The following TNK2 variants were observed in gnomAD, a reference collection of about 807,000 sequenced individuals.
TNK2 encodes activated CDC42 kinase 1.
Under a neutral mutation model 101.8 loss-of-function variants are expected in TNK2, and 83 were observed. The observed-to-expected ratio is 0.82, with a 90% confidence interval of 0.68 to 0.98. The LOEUF is 0.98. TNK2 is among the 50% of genes least tolerant of loss of function. TNK2 has a pLI of 0.00. For missense variants in TNK2, 1,665 were observed against 1,483.2 expected (o/e 1.12, Z -2.01); for synonymous variants, 804 against 633.0 (o/e 1.27, Z -4.06).
chr3:195,871,983 CTGG>C (rs1745723019), intron 10 of TNK2, among the ~76,000 whole-genome samples: 2 of 70,522 alleles, frequency 2.8e-5, no homozygotes, highest in Non-Finnish European at 6.3e-5. Context: ...GAACCCTCCC[CTGG>C]AGAACCCTCC....
intron 1 of TNK2, among the ~76,000 whole-genome samples, chr3:195,904,793 A>G (rs1032621178): frequency 2.7e-4 from 41 of 152,232 alleles, no homozygotes; most frequent in Non-Finnish European, 1.0e-4. Context: ...ATGTTCAATA[A>G]AAGATGGAAA....
At chr3:195,890,036 C>T (rs572346487) in intron 1 of TNK2, among the ~76,000 whole-genome samples, 8 of 152,298 alleles carry the variant, frequency 5.3e-5, no homozygotes, top group Admixed American at 1.3e-4. Context: ...GTGGCCCTGC[C>T]AACACAGTGC....
At position 195,882,242 on chromosome 3, in the gene TNK2, G is replaced by A. The variant is rs771159673; in HGVS notation, c.696C>T (p.Tyr232=). The change falls in exon 6 of 16, where the codon TAC becomes TAT. Residue 232 remains tyrosine, a synonymous_variant. Transcript: ENST00000672887. The surrounding 1 kb of genome is among the most constrained non-coding windows in gnomAD (Gnocchi z 4.2). ...GHFLLGTLSR[Y]AVQVAEGMGY... ...CCATGCCCTCAGCCACCTGCACAGCGTAGCGGCTCAGAGTCCCCAGGAGGA... is the reference window on the plus strand; with the variant it reads ...CCATGCCCTCAGCCACCTGCACAGCATAGCGGCTCAGAGTCCCCAGGAGGA... 44 of 1,613,662 alleles carry A rather than the reference G, an allele frequency of 2.7e-5. No homozygotes were observed. Among genetic ancestry groups the A allele is most frequent in the Admixed American group, 8.3e-5 (5 of 60,004 alleles).
intron 1 of TNK2, among the ~76,000 whole-genome samples, chr3:195,902,851 G>A (rs1761355750): frequency 6.6e-6 from 1 of 151,792 alleles, no homozygotes; most frequent in South Asian, 2.1e-4. Context: ...CTGGGTTCAA[G>A]CGATTCTTGT....
intron 9 of TNK2, among the ~76,000 whole-genome samples, chr3:195,877,015 G>A (rs567007640): frequency 4.6e-5 from 7 of 152,278 alleles, no homozygotes; most frequent in African/African-American, 1.7e-4. Context: ...CGTGGAGGTG[G>A]ACACGGTCAT....
Position 195,870,174 on chromosome 3 carries a change from CGG to C in TNK2, c.1481_1482del (p.Pro494ArgfsTer40). 6.6e-7 allele frequency: 1 copy of C among 1,525,896 alleles called. No homozygotes were observed. Among genetic ancestry groups the C allele is most frequent in the Non-Finnish European group, 8.8e-7 (1 of 1,131,638 alleles). The allele number at this position is 1,525,896 out of a possible 1,614,324, so 94.5% of individuals were successfully genotyped here. ...ELYLGNPMDPPDLLSVELSTS... is the reference protein window; with the variant it reads ...ELYLGNPMDPXDLLSVELSTS... Reference sequence around the variant, plus strand: ...GTGCTCAGTTCCACGCTCAGGAGGTCGGGGGGGTCCATGGGGTTTCCCAGATA... The same window carrying C: ...GTGCTCAGTTCCACGCTCAGGAGGTCGGGGGTCCATGGGGTTTCCCAGATA... On this transcript the variant is annotated frameshift_variant, in exon 11 of 16. Transcript: ENST00000672887. LOFTEE classifies it high-confidence loss of function.
At chr3:195,865,265 G>C (rs1576971060) in intron 15 of TNK2, among the ~76,000 whole-genome samples, 2 of 123,408 alleles carry the variant, frequency 1.6e-5, no homozygotes, top group African/African-American at 3.1e-5. Context: ...ACAGGTGACA[G>C]CGAGTGCCTG....
At chr3:195,869,171 G>A (rs1743033366) in intron 12 of TNK2, 1 of 555,592 alleles carries the variant, frequency 1.8e-6, no homozygotes. Context: ...CGGCCACAAA[G>A]CCCAGACAGC....
rs1174828360 is a variant in TNK2, at chr3:195,885,314, GGA to G, written c.235-283_235-282del. 1.0e-5 allele frequency: 14 copies of G among 1,372,878 alleles called. No individual in the cohort carries two copies. Among genetic ancestry groups the G allele is most frequent in the African/African-American group, 1.5e-5 (1 of 68,788 alleles). 85.0% of individuals were successfully genotyped at this position (1,372,878 alleles called of 1,614,324 possible). On this transcript the variant is annotated intron_variant, in intron 3 of 15. Transcript: ENST00000672887. This position sits in a 1 kb window ranked among gnomAD's most constrained non-coding sequence, Gnocchi z 4.7. ...TGAGCGGCCCCACACCCAGCTGTGT[GGA>G]GAGGGAGGGCACCGCCCAGCCAAGG...
At chr3:195,876,563 C>T in intron 9 of TNK2, 1 of 456,788 alleles carries the variant, frequency 2.2e-6, no homozygotes, top group South Asian at 1.5e-5. Flanking sequence ...CCCAGGCCCG[C>T]TCCCAAGCCT....
rs1260113524 is a variant in TNK2, at chr3:195,885,900, G to A, written c.235-867C>T. ...GGTGGATCCTTATCCGTCTGGGCTA[G>A]GGTGCCTCAAATCTGAGGGCCTCTT... On this transcript the variant is annotated intron_variant, in intron 3 of 15. Transcript: ENST00000672887. This position sits in a 1 kb window ranked among gnomAD's most constrained non-coding sequence, Gnocchi z 4.7. The A allele has an allele frequency of 2.3e-5, 6 of 265,826 alleles. No individual in the cohort carries two copies. In the East Asian group the frequency reaches 4.2e-4, roughly 18 times the overall value. 16.5% of individuals were successfully genotyped at this position (265,826 alleles called of 1,614,324 possible).
chr3:195,867,891 C>T lies in TNK2; in HGVS notation c.2407G>A (p.Gly803Ser). 1 of 1,531,020 alleles carries T rather than the reference C, an allele frequency of 6.5e-7. No homozygotes were observed. The highest frequency in any genetic ancestry group is 8.7e-7 in the Non-Finnish European group (1 of 1,147,528). The allele number at this position is 1,531,020 out of a possible 1,614,324, so 94.8% of individuals were successfully genotyped here. A position where few individuals can be genotyped will look rare whatever the true frequency, so the allele number is the denominator to read the frequency against. Residue 803 changes from glycine to serine, a missense_variant, in exon 13 of 16, where the codon GGC becomes AGC. Transcript: ENST00000672887. ...ACCAGGGGGCTGGGTGTCCTCGAGC[C>T]TTGAGGGGACAGGGGCTCCCGCGGA... ...VPPREPLSPQ[G>S]SRTPSPLVPP...
rs1256145969 is a variant in TNK2 at position 195,863,565 on chromosome 3, G to C, written c.*616C>G. 1 of 152,794 alleles carries C rather than the reference G, an allele frequency of 6.5e-6. No homozygotes were observed. Among genetic ancestry groups the C allele is most frequent in the Non-Finnish European group, 1.5e-5 (1 of 68,168 alleles). The allele number at this position is 152,794 out of a possible 1,614,324, so 9.5% of individuals were successfully genotyped here. A position where few individuals can be genotyped will look rare whatever the true frequency, so the allele number is the denominator to read the frequency against. On this transcript the variant is annotated 3_prime_UTR_variant, in exon 16 of 16. Coordinates refer to ENST00000672887, the MANE Select transcript of TNK2 (RefSeq NM_001382273.1). ...GGGCCTTGGGCCCTGGTCCCCGCCA[G>C]AGAATGGTCTGGCACCCTTTCTCCG...
At chr3:195,896,313 G>A in intron 1 of TNK2, 1 of 322,642 alleles carries the variant, frequency 3.1e-6, no homozygotes, top group South Asian at 2.2e-5. Flanking sequence ...TTGGGGCAGA[G>A]GAGAGACAGA....
chr3:195,869,744 G>A (rs138236865), intron 11 of TNK2: 21 of 620,890 alleles, frequency 3.4e-5, no homozygotes, highest in East Asian at 2.2e-4. Flanking sequence ...GATAGGCAGA[G>A]GACCGGGAGA....
chr3:195,870,467 G>C, intron 10 of TNK2: 1 of 1,251,136 alleles, frequency 8.0e-7, no homozygotes, highest in Non-Finnish European at 1.0e-6. Flanking sequence ...AAGGGCAGAG[G>C]TGGTCCTCCA....
intron 10 of TNK2, 37 bp downstream of exon 10, chr3:195,872,239 G>C (rs374293483): frequency 6.2e-7 from 1 of 1,609,866 alleles, no homozygotes; most frequent in East Asian, 2.2e-5. Flanking sequence ...AGTCCCGAGC[G>C]GGGCCAGGTC....
rs573696491 is a variant in TNK2 at position 195,886,642 on chromosome 3, G to A, written c.234+335C>T. On this transcript the variant is annotated intron_variant, in intron 3 of 15. Transcript: ENST00000672887. The surrounding 1 kb of genome is among the most constrained non-coding windows in gnomAD (Gnocchi z 4.2). ...GGTCCAGACAGGTCCACCACCCCAC[G>A]CTGGACACTGGCCCCAACGCTCAGA... Among the ~76,000 whole-genome samples the A allele has an allele frequency of 7.9e-5, 12 of 152,238 alleles. No homozygotes were observed. Among genetic ancestry groups the A allele is most frequent in the Admixed American group, 2.6e-4 (4 of 15,292 alleles).
intron 4 of TNK2, chr3:195,883,543 G>C: frequency 3.8e-6 from 2 of 526,660 alleles, no homozygotes; most frequent in Non-Finnish European, 6.9e-6. Flanking sequence ...CTTCCTGGGG[G>C]AATGCCGGGC....
Sources: allele counts gnomAD v4.1 joint callset (sites outside exome capture counted in the v4.1 genomes callset), GRCh38; gene constraint gnomAD v4.1.1; non-coding constraint Gnocchi (gnomAD v3.1); transcripts MANE v1.5; gene names NCBI Gene and HGNC (gene_info 2026-07-23, HGNC 2026-07-21).